Variants in CARMIL1 observed in about 807,000 individuals in gnomAD.
CARMIL1 encodes F-actin-uncapping protein LRRC16A.
A neutral mutation model predicts 177.1 loss-of-function variants in CARMIL1; 90 were observed. The ratio of observed to expected loss-of-function variants is 0.51; its 90% CI spans 0.43 to 0.61. CARMIL1 has a LOEUF of 0.61. CARMIL1 is among the 20% of genes least tolerant of loss of function. The probability of loss-of-function intolerance (pLI) is 0.00; values close to 1 mark genes in which losing one functional copy is unlikely to be tolerated. For missense variants in CARMIL1, 1,380 were observed against 1,667.0 expected (o/e 0.83, Z 3.00); for synonymous variants, 577 against 606.2 (o/e 0.95, Z 0.71).
chr6:25,584,026 CTTTT>C (rs71544648), intron 31 of CARMIL1, among the ~76,000 whole-genome samples: 82 of 119,120 alleles, frequency 6.9e-4, no homozygotes, highest in African/African-American at 2.5e-3. Flanking sequence ...TTTTCTTTTT[CTTTT>C]TTTTTTTTTT....
intron 2 of CARMIL1, among the ~76,000 whole-genome samples, chr6:25,339,231 A>C (rs1015671897): frequency 6.6e-5 from 10 of 152,182 alleles, no homozygotes; most frequent in African/African-American, 2.4e-4. Flanking sequence ...CCTGTTAGCT[A>C]TTTGAGTCCT....
Position 25,450,662 on chromosome 6 carries a change from C to A in CARMIL1, c.565C>A (p.Gln189Lys). ...QWDVDTIYLT[Q>K]DTRELNLQDF... is the part of the protein sequence containing the mutation. ...GGATGTGGATACAATTTATCTTACC[C>A]AAGACACCAGGGAATTGAATTTACA... The change falls in exon 8 of 37, where the codon CAA becomes AAA. Residue 189 changes from glutamine to lysine, a missense_variant. By Grantham distance (53) the Gln-to-Lys change is moderately conservative. Transcript: ENST00000329474. 1 of 1,604,224 alleles carries A rather than the reference C, an allele frequency of 6.2e-7. No homozygotes were observed. The highest frequency in any genetic ancestry group is 8.5e-7 in the Non-Finnish European group (1 of 1,173,376).
rs548996089 is a variant in CARMIL1 at position 25,354,828 on chromosome 6, G to C, written c.139-65286G>C. On this transcript the variant is annotated intron_variant, in intron 2 of 36. Transcript: ENST00000329474. ...CTTTGGGAGGGAGTCTAATTTTGTT[G>C]CAGATCTATATCCATTCCAACAGTT... Among the ~76,000 whole-genome samples, 3 of 152,216 alleles carry C rather than the reference G, an allele frequency of 2.0e-5. No homozygotes were observed. The South Asian group carries it at 6.2e-4, about 32-fold the overall frequency.
intron 11 of CARMIL1, 42 bp downstream of exon 11, chr6:25,472,563 G>T (rs1335304799): frequency 6.9e-7 from 1 of 1,446,574 alleles, no homozygotes; most frequent in Non-Finnish European, 9.5e-7. Context: ...AGAATTGTAA[G>T]AGGATTAGAG....
intron 2 of CARMIL1, among the ~76,000 whole-genome samples, chr6:25,418,057 G>A (rs1455783546): frequency 6.6e-6 from 1 of 152,190 alleles, no homozygotes; most frequent in African/African-American, 2.4e-5. Context: ...TAGACATATT[G>A]TGGTGGTTAA....
At chr6:25,377,806 C>G (rs1270424074) in intron 2 of CARMIL1, among the ~76,000 whole-genome samples, 1 of 152,158 alleles carries the variant, frequency 6.6e-6, no homozygotes, top group African/African-American at 2.4e-5. Flanking sequence ...CCTGAAGATG[C>G]TAATCTCCTA....
At chr6:25,598,239 CTATTAT>C (rs755140914) in intron 32 of CARMIL1, among the ~76,000 whole-genome samples, 2 of 151,436 alleles carry the variant, frequency 1.3e-5, no homozygotes, top group Admixed American at 1.3e-4. Flanking sequence ...TCTTAAACTT[CTATTAT>C]TATTATTATT....
intron 2 of CARMIL1, among the ~76,000 whole-genome samples, chr6:25,330,001 C>T (rs1785467112): frequency 6.6e-6 from 1 of 152,212 alleles, no homozygotes; most frequent in African/African-American, 2.4e-5. Flanking sequence ...TAAAAGAACA[C>T]ATTGAGGACA....
chr6:25,441,337 A>ATATATATATATATGTG lies in CARMIL1; in HGVS notation c.371+5734_371+5735insATATATATATATGTGT. 6.0e-3 allele frequency among the ~76,000 whole-genome samples: 570 copies of ATATATATATATATGTG among 94,478 alleles called. 4 individuals carry two copies. The highest frequency in any genetic ancestry group is 9.1e-3 in the South Asian group (22 of 2,424). 62.0% of individuals were successfully genotyped at this position (94,478 alleles called of 152,430 possible). ...CAAACAAACATATATATATATATATATGTGTGTGTGTGTGTGTGTGTGTGT... is the reference window on the plus strand; with the variant it reads ...CAAACAAACATATATATATATATATATATATATATATATGTGTGTGTGTGTGTGTGTGTGTGTGTGT... On this transcript the variant is annotated intron_variant, in intron 5 of 36. Transcript: ENST00000329474.
intron 2 of CARMIL1, chr6:25,287,624 A>G (rs1346320736): frequency 6.6e-6 from 1 of 152,356 alleles, no homozygotes; most frequent in Non-Finnish European, 1.5e-5. Flanking sequence ...TTATATCCCC[A>G]CTACAACGCT....
At chr6:25,305,524 TAAAAC>T (rs1309249104) in intron 2 of CARMIL1, among the ~76,000 whole-genome samples, 2 of 152,190 alleles carry the variant, frequency 1.3e-5, no homozygotes, top group South Asian at 2.1e-4. Context: ...GCTGAGCAGA[TAAAAC>T]AAATAGCAAG....
intron 29 of CARMIL1, among the ~76,000 whole-genome samples, chr6:25,562,835 A>G (rs2151196915): frequency 6.6e-6 from 1 of 152,306 alleles, no homozygotes; most frequent in Admixed American, 6.5e-5. Context: ...TTCCAAAACC[A>G]GCACCCAAAT....
intron 2 of CARMIL1, among the ~76,000 whole-genome samples, chr6:25,328,672 A>G (rs1245299014): frequency 6.6e-6 from 1 of 152,144 alleles, no homozygotes; most frequent in Admixed American, 6.6e-5. Flanking sequence ...GTTATCTTCC[A>G]TCATGTAGGC....
intron 12 of CARMIL1, among the ~76,000 whole-genome samples, chr6:25,483,711 A>AT (rs1218892956): frequency 1.3e-5 from 2 of 149,198 alleles, no homozygotes; most frequent in East Asian, 3.9e-4. Flanking sequence ...ATGGAGGTAG[A>AT]TTAAAAAAAA....
intron 2 of CARMIL1, among the ~76,000 whole-genome samples, chr6:25,290,369 CTTTTTTTTTTTTTTT>C (rs910242856): frequency 4.2e-5 from 4 of 95,362 alleles, no homozygotes; most frequent in African/African-American, 1.6e-4. Context: ...TGCTGGGATT[CTTTTTTTTTTTTTTT>C]TTTTTTTTGA....
At position 25,302,118 on chromosome 6, in the gene CARMIL1, T is replaced by C. The variant is rs184127766; in HGVS notation, c.138+17209T>C. Among the ~76,000 whole-genome samples the C allele has an allele frequency of 2.6e-4, 39 of 152,230 alleles. No homozygotes were observed. The East Asian group carries it at 4.6e-3, about 18-fold the overall frequency. On this transcript the variant is annotated intron_variant, in intron 2 of 36. Transcript: ENST00000329474. The stretch of plus-strand genomic sequence containing the variant: ...GAAAATTCAGTAAGTCTAAAGAAGT[T>C]TTTCTGTTTTGAATGATCGGCACTG...
At chr6:25,371,625 C>A (rs1347232678) in intron 2 of CARMIL1, among the ~76,000 whole-genome samples, 3 of 151,920 alleles carry the variant, frequency 2.0e-5, no homozygotes, top group Non-Finnish European at 4.4e-5. Flanking sequence ...TGTTTTCTTG[C>A]TAATTTATTT....
At chr6:25,321,905 G>T (rs553770963) in intron 2 of CARMIL1, among the ~76,000 whole-genome samples, 1 of 152,134 alleles carries the variant, frequency 6.6e-6, no homozygotes, top group Admixed American at 6.5e-5. Flanking sequence ...TGATCCGCCT[G>T]CCTTGGCCTC....
At chr6:25,328,988 G>A (rs913682424) in intron 2 of CARMIL1, among the ~76,000 whole-genome samples, 1 of 152,128 alleles carries the variant, frequency 6.6e-6, no homozygotes, top group Non-Finnish European at 1.5e-5. Flanking sequence ...TGTATTTCCA[G>A]TCACAAAAGA....
Sources: allele counts gnomAD v4.1 joint callset (sites outside exome capture counted in the v4.1 genomes callset), GRCh38; gene constraint gnomAD v4.1.1; transcripts MANE v1.5; gene names NCBI Gene and HGNC (gene_info 2026-07-23, HGNC 2026-07-21).